Variants in MYC observed in about 807,000 individuals in gnomAD.
MYC encodes myc proto-oncogene protein.
Under a neutral mutation model 30.5 loss-of-function variants are expected in MYC, and 1 was observed. The ratio of observed to expected loss-of-function variants is 0.03; its 90% CI spans 0.01 to 0.16. The LOEUF is 0.16. Ranked by LOEUF, MYC falls within the 10% of genes least tolerant of loss-of-function variation. MYC has a pLI of 1.00. For synonymous variants in MYC, 267 were observed against 250.7 expected, an observed-to-expected ratio of 1.07 and a Z score of -0.62; for missense variants, 508 against 589.0, an observed-to-expected ratio of 0.86 and a Z score of 1.42.
Position 127,740,923 on chromosome 8 carries a change from C to A in MYC, c.1330C>A (p.His444Asn), listed in dbSNP as rs370767192. The change falls in exon 3 of 3, where the codon CAC becomes AAC. Residue 444 changes from histidine (H) to asparagine (N), a missense_variant. By Grantham distance (68) the His-to-Asn change is moderately conservative. Transcript: ENST00000621592. ...GCGGAAACGACGAGAACAGTTGAAA[C>A]ACAAACTTGAACAGCTACGGAACTC... 1 of 1,592,360 alleles carries A rather than the reference C, an allele frequency of 6.3e-7. No individual in the cohort carries two copies. Among genetic ancestry groups the A allele is most frequent in the Non-Finnish European group, 8.5e-7 (1 of 1,172,168 alleles).
At position 127,741,084 on chromosome 8, in the gene MYC, G is replaced by A. The variant is rs1813704235; in HGVS notation, c.*126G>A. 5 of 889,962 alleles carry A rather than the reference G, an allele frequency of 5.6e-6. No homozygotes were observed. The Admixed American group carries it at 1.4e-4, about 25-fold the overall frequency. The allele number at this position is 889,962 out of a possible 1,614,324, so 55.1% of individuals were successfully genotyped here. On this transcript the variant is annotated 3_prime_UTR_variant, in exon 3 of 3. Transcript: ENST00000621592. ...CTGAGTCTTGAGACTGAAAGATTTA[G>A]CCATAATGTAAACTGCCTCAAATTG...
At chr8:127,739,461 A>C (rs1246594541) in intron 2 of MYC, among the ~76,000 whole-genome samples, 1 of 152,056 alleles carries the variant, frequency 6.6e-6, no homozygotes, top group Non-Finnish European at 1.5e-5. Flanking sequence ...TACAAAAATG[A>C]GGGGCTGTGT....
chr8:127,735,572 G>T, upstream of MYC: 1 of 399,092 alleles, frequency 2.5e-6, no homozygotes, highest in Non-Finnish European at 4.4e-6. Flanking sequence ...CTCTGAACGC[G>T]CGCCCATTAA....
Position 127,742,896 on chromosome 8 carries a change from C to T in MYC, c.*1938C>T, listed in dbSNP as rs993152114. Among the ~76,000 whole-genome samples the T allele has an allele frequency of 1.6e-4, 25 of 152,200 alleles. No homozygotes were observed. Among genetic ancestry groups the T allele is most frequent in the African/African-American group, 6.0e-4 (25 of 41,450 alleles). On this transcript the variant is annotated 3_prime_UTR_variant, in exon 3 of 3. Coordinates refer to ENST00000621592, the MANE Select transcript of MYC (RefSeq NM_002467.6). ...CAAAGTAGGTCTTCAGCTCCCTGTA[C>T]TTTGGGATTTTAATCTACCACCACC...
rs756894698 is a variant in MYC at position 127,736,574 on chromosome 8, T to C, written c.-20T>C. Reference sequence around the variant, plus strand: ...CAGGACCCGCTTCTCTGAAAGGCTCTCCTTGCAGCTGCTTAGACGCTGGAT... The same window carrying C: ...CAGGACCCGCTTCTCTGAAAGGCTCCCCTTGCAGCTGCTTAGACGCTGGAT... On this transcript the variant is annotated 5_prime_UTR_variant, in exon 1 of 3. Transcript: ENST00000621592. 6.2e-7 allele frequency: 1 copy of C among 1,614,162 alleles called. No homozygotes were observed. The highest frequency in any genetic ancestry group is 1.7e-5 in the Admixed American group (1 of 60,032).
rs934456533 is a variant in MYC, at chr8:127,741,189, T to A, written c.*231T>A. Reference sequence around the variant, plus strand: ...CAGATTTGTATTTAAGAATTGTTTTTAAAAAATTTTAAGATTTACACAATG... The same window carrying A: ...CAGATTTGTATTTAAGAATTGTTTTAAAAAAATTTTAAGATTTACACAATG... On this transcript the variant is annotated 3_prime_UTR_variant, in exon 3 of 3. Transcript: ENST00000621592. 9 of 391,512 alleles carry A rather than the reference T, an allele frequency of 2.3e-5. No individual in the cohort carries two copies. The highest frequency in any genetic ancestry group is 1.8e-4 in the African/African-American group (9 of 48,800). The allele number at this position is 391,512 out of a possible 1,614,324, so 24.3% of individuals were successfully genotyped here.
At position 127,736,474 on chromosome 8, in the gene MYC, C is replaced by A; in HGVS notation, c.-120C>A. ...GGGCACTTTGCACTGGAACTTACAA[C>A]ACCCGAGCAAGGACGCGACTCTCCC... is the stretch of plus-strand genomic sequence containing the variant. On this transcript the variant is annotated 5_prime_UTR_variant, in exon 1 of 3. Transcript: ENST00000621592. 1 of 1,144,936 alleles carries A rather than the reference C, an allele frequency of 8.7e-7. No individual in the cohort carries two copies. The highest frequency in any genetic ancestry group is 1.3e-6 in the Non-Finnish European group (1 of 785,604). 70.9% of individuals were successfully genotyped at this position (1,144,936 alleles called of 1,614,324 possible).
chr8:127,739,628 G>A lies in MYC; in HGVS notation c.802+609G>A, dbSNP rs73707294. ...TTTTTTTTCTTTTATTCCTTCCCCC[G>A]CCCTCTTGGACTTTTGGCAAAACTG... is the stretch of plus-strand genomic sequence containing the variant. On this transcript the variant is annotated intron_variant, in intron 2 of 2. Coordinates refer to ENST00000621592, the MANE Select transcript of MYC (RefSeq NM_002467.6). Among the ~76,000 whole-genome samples the A allele has an allele frequency of 9.7e-3, 1,465 of 150,660 alleles. 32 individuals are homozygous for A. Among genetic ancestry groups the A allele is most frequent in the African/African-American group, 0.034 (1,402 of 40,880 alleles).
rs1024952766 is a variant in MYC at position 127,740,676 on chromosome 8, G to A, written c.1083G>A (p.Arg361=). The change falls in exon 3 of 3, where the codon AGG becomes AGA. Residue 361 remains arginine, a synonymous_variant. Transcript: ENST00000621592. Reference sequence around the variant, plus strand: ...ACAACCGAAAATGCACCAGCCCCAGGTCCTCGGACACCGAGGAGAATGTCA... The same window carrying A: ...ACAACCGAAAATGCACCAGCCCCAGATCCTCGGACACCGAGGAGAATGTCA... 6.2e-7 allele frequency: 1 copy of A among 1,613,950 alleles called. No homozygotes were observed. The highest frequency in any genetic ancestry group is 8.5e-7 in the Non-Finnish European group (1 of 1,180,030).
At chr8:127,739,413 CTT>C (rs371683673) in intron 2 of MYC, among the ~76,000 whole-genome samples, 18 of 152,288 alleles carry the variant, frequency 1.2e-4, no homozygotes, top group African/African-American at 4.3e-4. Flanking sequence ...TTGCTTCCCT[CTT>C]AACTTCCGAG....
chr8:127,736,191 A>G (rs1813583885), upstream of MYC: 3 of 468,448 alleles, frequency 6.4e-6, no homozygotes, highest in African/African-American at 4.0e-5. Flanking sequence ...GGAGGGAGGG[A>G]TCGCGCTGAG....
At position 127,736,336 on chromosome 8, in the gene MYC, G is replaced by C. The variant is rs1247878794; in HGVS notation, c.-258G>C. ...CTGCGCTGCGGGCGTCCTGGGAAGG[G>C]AGATCCGGAGCGAATAGGGGGCTTC... is the stretch of plus-strand genomic sequence containing the variant. On this transcript the variant is annotated 5_prime_UTR_variant, in exon 1 of 3. Transcript: ENST00000621592. The C allele has an allele frequency of 1.7e-6, 1 of 592,126 alleles. No individual in the cohort carries two copies. The highest frequency in any genetic ancestry group is 1.9e-5 in the African/African-American group (1 of 53,634). The allele number at this position is 592,126 out of a possible 1,614,324, so 36.7% of individuals were successfully genotyped here. A position where few individuals can be genotyped will look rare whatever the true frequency, so the allele number is the denominator to read the frequency against.
chr8:127,738,103 C>T lies in MYC; in HGVS notation c.31-145C>T, dbSNP rs1813636485. 1.0e-6 allele frequency: 1 copy of T among 954,108 alleles called. No individual in the cohort carries two copies. The highest frequency in any genetic ancestry group is 2.6e-5 in the East Asian group (1 of 37,770). 59.1% of individuals were successfully genotyped at this position (954,108 alleles called of 1,614,324 possible). A position where few individuals can be genotyped will look rare whatever the true frequency, so the allele number is the denominator to read the frequency against. On this transcript the variant is annotated intron_variant, in intron 1 of 2. Transcript: ENST00000621592. The surrounding 1 kb of genome is among the most constrained non-coding windows in gnomAD (Gnocchi z 7.6). ...TGAAAGGGTGCTCCCTTTATTCCCC[C>T]ACCAAGACCACCCAGCCGCTTTAGG...
chr8:127,737,577 C>T (rs1157705478), intron 1 of MYC, among the ~76,000 whole-genome samples: 1 of 150,996 alleles, frequency 6.6e-6, no homozygotes, highest in Admixed American at 6.6e-5. Context: ...TGACACCCCC[C>T]TTGTATTTAT....
rs1442494202 is a variant in MYC at position 127,740,809 on chromosome 8, C to T, written c.1216C>T (p.Pro406Ser). 1 of 1,613,984 alleles carries T rather than the reference C, an allele frequency of 6.2e-7. No individual in the cohort carries two copies. The highest frequency in any genetic ancestry group is 8.5e-7 in the Non-Finnish European group (1 of 1,180,004). Residue 406 changes from proline (P) to serine (S), a missense_variant, in exon 3 of 3, where the codon CCC (proline) becomes TCC (serine). Physicochemically the swap from Pro to Ser is moderately conservative, Grantham distance 74. Transcript: ENST00000621592. ...GGAGTTGGAAAACAATGAAAAGGCC[C>T]CCAAGGTAGTTATCCTTAAAAAAGC... is the stretch of plus-strand genomic sequence containing the variant.
chr8:127,736,305 G>A lies in MYC; in HGVS notation c.-289G>A. 3 of 563,316 alleles carry A rather than the reference G, an allele frequency of 5.3e-6. No homozygotes were observed. The highest frequency in any genetic ancestry group is 2.9e-5 in the East Asian group (1 of 34,084). The allele number at this position is 563,316 out of a possible 1,614,324, so 34.9% of individuals were successfully genotyped here. A position where few individuals can be genotyped will look rare whatever the true frequency, so the allele number is the denominator to read the frequency against. On this transcript the variant is annotated 5_prime_UTR_variant, in exon 1 of 3. Coordinates refer to ENST00000621592, the MANE Select transcript of MYC (RefSeq NM_002467.6). ...CGGCTAGGGTGGAAGAGCCGGGCGA[G>A]CAGAGCTGCGCTGCGGGCGTCCTGG...
At chr8:127,735,642 C>T (rs4645945), upstream of MYC, 1 of 399,076 alleles carries the variant, frequency 2.5e-6, no homozygotes, top group African/African-American at 2.1e-5. Context: ...CTTTCCCCAG[C>T]CTTAGCGAGG....
At chr8:127,736,116 G>T (rs1813582463), upstream of MYC, 1 of 424,420 alleles carries the variant, frequency 2.4e-6, no homozygotes. Context: ...GGCCCCGGCC[G>T]TCCCTGGCTC....
Position 127,736,643 on chromosome 8 carries a change from T to A in MYC, c.30+20T>A, listed in dbSNP as rs767216614. 6.2e-7 allele frequency: 1 copy of A among 1,613,244 alleles called. No homozygotes were observed. ...AACCAGGTAAGCACCGAAGTCCACTTGCCTTTTAATTTATTTTTTTATCAC... is the reference window on the plus strand; with the variant it reads ...AACCAGGTAAGCACCGAAGTCCACTAGCCTTTTAATTTATTTTTTTATCAC... On this transcript the variant is annotated intron_variant, in intron 1 of 2. Transcript: ENST00000621592.
Sources: gnomAD v4.1 joint callset for allele counts (sites outside exome capture counted in the v4.1 genomes callset) on GRCh38, gnomAD v4.1.1 for gene constraint, Gnocchi (gnomAD v3.1) non-coding constraint, MANE v1.5 for transcripts, NCBI Gene and HGNC (gene_info 2026-07-23, HGNC 2026-07-21) for gene names.